Variants in OGFOD3 observed in about 807,000 individuals in gnomAD.
OGFOD3 encodes 2-oxoglutarate and iron-dependent oxygenase domain-containing protein 3.
OGFOD3 carries 35 observed loss-of-function variants against 39.8 expected under a neutral mutation model. The observed-to-expected ratio is 0.88, with a 90% confidence interval of 0.67 to 1.17. The LOEUF is 1.17. OGFOD3 is among the 50% of genes most tolerant of loss of function. The probability of loss-of-function intolerance (pLI) is 0.00; values close to 1 mark genes in which losing one functional copy is unlikely to be tolerated. For synonymous variants in OGFOD3, 200 were observed against 192.0 expected, an observed-to-expected ratio of 1.04 and a Z score of -0.34; for missense variants, 438 against 454.5, an observed-to-expected ratio of 0.96 and a Z score of 0.33.
intron 7 of OGFOD3, among the ~76,000 whole-genome samples, chr17:82,399,246 T>G (rs2052725844): frequency 2.0e-5 from 3 of 152,226 alleles, no homozygotes; most frequent in African/African-American, 7.2e-5. Context: ...CCTCATGCAT[T>G]GTTGCCCAGG....
intron 1 of OGFOD3, among the ~76,000 whole-genome samples, chr17:82,416,255 T>C (rs916105764): frequency 6.6e-6 from 1 of 152,094 alleles, no homozygotes; most frequent in Non-Finnish European, 1.5e-5. Context: ...AATAAATAAA[T>C]AAACAAACAC....
intron 8 of OGFOD3, among the ~76,000 whole-genome samples, chr17:82,396,018 GATGT>G (rs1360230265): frequency 6.6e-6 from 1 of 151,846 alleles, no homozygotes; most frequent in Non-Finnish European, 1.5e-5. Context: ...CACACAATTA[GATGT>G]ATGACATCAA....
In OGFOD3 at chr17:82,406,351, G is replaced by T; in HGVS notation, c.488+67C>A. 7.0e-7 allele frequency: 1 copy of T among 1,431,108 alleles called. No homozygotes were observed. The highest frequency in any genetic ancestry group is 9.8e-7 in the Non-Finnish European group (1 of 1,016,666). 88.7% of individuals were successfully genotyped at this position (1,431,108 alleles called of 1,614,324 possible). ...ATGTCCACGTGTCCACATGTCCATG[G>T]CTAAGAGGCACGGAGCCGCTCACTC... is the stretch of plus-strand genomic sequence containing the variant. On this transcript the variant is annotated intron_variant, in intron 5 of 8. Coordinates refer to ENST00000313056, the MANE Select transcript of OGFOD3 (RefSeq NM_024648.3). This position sits in a 1 kb window ranked among gnomAD's most constrained non-coding sequence, Gnocchi z 5.2.
At position 82,389,453 on chromosome 17, in the gene OGFOD3, C is replaced by T. The variant is rs1287246947; in HGVS notation, c.*2945G>A. ...AAGCCCAGGGTGTGAGGATTCACTG[C>T]TGTGCCCACGTATTTTCCCACCTTT... On this transcript the variant is annotated 3_prime_UTR_variant, in exon 9 of 9. Transcript: ENST00000313056. This position sits in a 1 kb window ranked among gnomAD's most constrained non-coding sequence, Gnocchi z 4.6. 6.6e-6 allele frequency: 1 copy of T among 152,222 alleles called. No homozygotes were observed. The highest frequency in any genetic ancestry group is 1.5e-5 in the Non-Finnish European group (1 of 68,036). 9.4% of individuals were successfully genotyped at this position (152,222 alleles called of 1,614,324 possible). A position where few individuals can be genotyped will look rare whatever the true frequency, so the allele number is the denominator to read the frequency against.
At chr17:82,408,294 C>G (rs2052887517) in intron 4 of OGFOD3, among the ~76,000 whole-genome samples, 1 of 152,172 alleles carries the variant, frequency 6.6e-6, no homozygotes, top group Non-Finnish European at 1.5e-5. Context: ...CAGAAAGACT[C>G]AAGTCTATTC....
At chr17:82,403,815 C>A in intron 7 of OGFOD3, 122 bp downstream of exon 7, 1 of 1,324,410 alleles carries the variant, frequency 7.6e-7, no homozygotes, top group Non-Finnish European at 1.0e-6. Flanking sequence ...ACTCACCCTG[C>A]CCACGGGCAC....
At chr17:82,408,548 C>G (rs1254451109) in intron 4 of OGFOD3, among the ~76,000 whole-genome samples, 1 of 152,138 alleles carries the variant, frequency 6.6e-6, no homozygotes, top group Non-Finnish European at 1.5e-5. Flanking sequence ...CAAGTTTATT[C>G]TCTCACAGTT....
chr17:82,405,312 ACTC>A lies in OGFOD3; in HGVS notation c.545+9_545+11del. On this transcript the variant is annotated intron_variant, in intron 6 of 8. Coordinates refer to ENST00000313056, the MANE Select transcript of OGFOD3 (RefSeq NM_024648.3). The stretch of plus-strand genomic sequence containing the variant: ...CCGCCTGCGAACCCCCACCCGCCTC[ACTC>A]CTCCTTACCGGTATAACCGGAAGTC... 3 of 1,610,542 alleles carry A rather than the reference ACTC, an allele frequency of 1.9e-6. No homozygotes were observed. Among genetic ancestry groups the A allele is most frequent in the Non-Finnish European group, 2.5e-6 (3 of 1,178,082 alleles).
chr17:82,416,036 C>G (rs181131809), intron 1 of OGFOD3, among the ~76,000 whole-genome samples: 36 of 152,016 alleles, frequency 2.4e-4, no homozygotes, highest in African/African-American at 7.7e-4. Context: ...CGAGACGAGC[C>G]TGACCAACAT....
rs757959959 is a variant in OGFOD3, at chr17:82,398,218, G to C, written c.801C>G (p.Asn267Lys). The change falls in exon 8 of 9, where the codon AAC becomes AAG. Residue 267 changes from asparagine to lysine, a missense_variant. By Grantham distance (94) the Asn-to-Lys change is moderately conservative. Coordinates refer to ENST00000313056, the MANE Select transcript of OGFOD3 (RefSeq NM_024648.3). ...GRFMFMEEGA[N>K]KTVEPRAGRV... ...TACCAGCTCTCGGCTCCACCGTCTT[G>C]TTGGCACCCTCCTCCATGAACATGA... is the stretch of plus-strand genomic sequence containing the variant. 4 of 1,614,116 alleles carry C rather than the reference G, an allele frequency of 2.5e-6. No homozygotes were observed. Among genetic ancestry groups the C allele is most frequent in the Admixed American group, 1.7e-5 (1 of 60,000 alleles).
intron 7 of OGFOD3, among the ~76,000 whole-genome samples, chr17:82,401,821 A>C (rs1304255611): frequency 1.3e-5 from 2 of 149,524 alleles, no homozygotes; most frequent in African/African-American, 2.5e-5. Flanking sequence ...AAAAAAAAAA[A>C]AACAAAGACT....
chr17:82,411,150 G>A (rs572951200), intron 3 of OGFOD3, among the ~76,000 whole-genome samples: 113 of 149,406 alleles, frequency 7.6e-4, no homozygotes, highest in African/African-American at 2.6e-3. Context: ...GGGTTCCAGC[G>A]ATTCTCCTGC....
chr17:82,409,607 C>T (rs147643450), intron 3 of OGFOD3, among the ~76,000 whole-genome samples, 197 bp from the exon 4 acceptor site: 1 of 152,328 alleles, frequency 6.6e-6, no homozygotes, highest in African/African-American at 2.4e-5. Flanking sequence ...CCATCGTTGT[C>T]TTGTCAATAT....
chr17:82,406,358 G>T lies in OGFOD3; in HGVS notation c.488+60C>A. On this transcript the variant is annotated intron_variant, in intron 5 of 8. Coordinates refer to ENST00000313056, the MANE Select transcript of OGFOD3 (RefSeq NM_024648.3). The surrounding 1 kb of genome is among the most constrained non-coding windows in gnomAD (Gnocchi z 5.2). ...CGTGTCCACATGTCCATGGCTAAGA[G>T]GCACGGAGCCGCTCACTCGGCTTTC... is the stretch of plus-strand genomic sequence containing the variant. The T allele has an allele frequency of 6.7e-7, 1 of 1,482,112 alleles. No individual in the cohort carries two copies. The highest frequency in any genetic ancestry group is 9.4e-7 in the Non-Finnish European group (1 of 1,062,006). 91.8% of individuals were successfully genotyped at this position (1,482,112 alleles called of 1,614,324 possible). A position where few individuals can be genotyped will look rare whatever the true frequency, so the allele number is the denominator to read the frequency against.
rs1053316526 is a variant in OGFOD3, at chr17:82,415,447, G to A, written c.255C>T (p.Phe85=). 1 of 1,613,934 alleles carries A rather than the reference G, an allele frequency of 6.2e-7. No homozygotes were observed. The highest frequency in any genetic ancestry group is 1.3e-5 in the African/African-American group (1 of 74,934). Residue 85 remains phenylalanine (F), a synonymous_variant, in exon 2 of 9, where the codon TTC becomes TTT. Transcript: ENST00000313056. The surrounding 1 kb of genome is among the most constrained non-coding windows in gnomAD (Gnocchi z 5.3). ...ARRGEVVAGR[F]IEVPCSEDYD... is the part of the protein sequence containing the mutation. The stretch of plus-strand genomic sequence containing the variant: ...AGTCCTCAGAGCAGGGCACCTCGAT[G>A]AATCTCCCTGCCACGACCTCGCCAC...
intron 3 of OGFOD3, among the ~76,000 whole-genome samples, chr17:82,410,720 T>C (rs916988655): frequency 2.8e-5 from 4 of 141,480 alleles, no homozygotes; most frequent in African/African-American, 1.1e-4. Flanking sequence ...CTTTTTTTTT[T>C]TTTTTTTTTT....
chr17:82,411,049 C>A (rs1373985597), intron 3 of OGFOD3, among the ~76,000 whole-genome samples: 2 of 136,208 alleles, frequency 1.5e-5, no homozygotes, highest in South Asian at 2.3e-4. Context: ...ATAATAAAAT[C>A]TTTTTTTTTT....
At chr17:82,413,591 C>T (rs2052988030) in intron 2 of OGFOD3, among the ~76,000 whole-genome samples, 1 of 152,092 alleles carries the variant, frequency 6.6e-6, no homozygotes, top group Non-Finnish European at 1.5e-5. Context: ...AATTAGAGGC[C>T]AGGCGCAGTG....
chr17:82,402,576 A>G (rs1434739013), intron 7 of OGFOD3, among the ~76,000 whole-genome samples: 1 of 149,596 alleles, frequency 6.7e-6, no homozygotes, highest in African/African-American at 2.5e-5. Context: ...ATGAAACCCC[A>G]TCTCTACTAA....
Sources: gnomAD v4.1 joint callset for allele counts (sites outside exome capture counted in the v4.1 genomes callset) on GRCh38, gnomAD v4.1.1 for gene constraint, Gnocchi (gnomAD v3.1) non-coding constraint, MANE v1.5 for transcripts, NCBI Gene and HGNC (gene_info 2026-07-23, HGNC 2026-07-21) for gene names.